GART: variants seen among roughly 807,000 people sequenced by gnomAD.
GART encodes phosphoribosylglycinamide formyltransferase, phosphoribosylglycinamide synthetase, phosphoribosylaminoimidazole synthetase, also known as trifunctional purine biosynthetic protein adenosine-3.
In GART, 43 loss-of-function variants were observed where a neutral mutation model predicts 107.2. That is an observed-to-expected ratio of 0.40 (90% CI 0.31 to 0.52). The LOEUF (loss-of-function observed/expected upper bound fraction) is 0.52, where lower values mean the gene tolerates loss of function less well. Among genes scored for constraint, GART ranks in the 20% least tolerant of loss-of-function variants. GART has a pLI of 0.52. For missense variants in GART, 1,107 were observed against 1,206.5 expected (o/e 0.92, Z 1.22); for synonymous variants, 434 against 427.0 (o/e 1.02, Z -0.20).
chr21:33,506,185 C>CAGGCT, intron 18 of GART, 81 bp from the exon 19 acceptor site: 1 of 1,508,340 alleles, frequency 6.6e-7, no homozygotes, highest in Non-Finnish European at 8.9e-7. Context: ...CTCTGTCGCC[C>CAGGCT]AGGCTAGGAG....
intron 17 of GART, among the ~76,000 whole-genome samples, chr21:33,510,629 T>C (rs1167793858): frequency 1.3e-5 from 2 of 152,126 alleles, no homozygotes; most frequent in Non-Finnish European, 2.9e-5. Flanking sequence ...CACGCCCGGC[T>C]GGGTCTCTCT....
intron 16 of GART, among the ~76,000 whole-genome samples, chr21:33,513,304 G>C (rs111698892): frequency 2.6e-5 from 4 of 152,236 alleles, no homozygotes; most frequent in African/African-American, 9.6e-5. Flanking sequence ...GGGTGCAGTG[G>C]CTCAGGCCTG....
intron 20 of GART, 101 bp downstream of exon 20, chr21:33,505,460 C>T: frequency 1.1e-6 from 1 of 942,308 alleles, no homozygotes; most frequent in Non-Finnish European, 1.6e-6. Context: ...AGTTGGATTT[C>T]TGGGATGGGT....
At chr21:33,533,438 C>CAAA (rs5843612) in intron 4 of GART, among the ~76,000 whole-genome samples, 1 of 128,648 alleles carries the variant, frequency 7.8e-6, no homozygotes, top group Non-Finnish European at 1.7e-5. Context: ...GAACGAGACT[C>CAAA]AAAAAAAAAA....
chr21:33,534,143 A>C (rs2085255196), intron 4 of GART, among the ~76,000 whole-genome samples: 1 of 152,144 alleles, frequency 6.6e-6, no homozygotes. Context: ...TTTTTTCCTT[A>C]ATTATCTTAC....
chr21:33,536,165 T>G (rs1384244033), intron 2 of GART, among the ~76,000 whole-genome samples: 1 of 152,208 alleles, frequency 6.6e-6, no homozygotes, highest in Admixed American at 6.5e-5. Context: ...AAATTTGATA[T>G]GAAGTGAATT....
At chr21:33,510,461 C>G (rs994920429) in intron 17 of GART, 3 of 153,146 alleles carry the variant, frequency 2.0e-5, no homozygotes, top group Non-Finnish European at 4.4e-5. Flanking sequence ...TCCCGAGTAG[C>G]TGGGACTACA....
In GART at chr21:33,509,824, T is replaced by C. The variant is rs114500396; in HGVS notation, c.2411A>G (p.Glu804Gly). ...NGSLTNHFSF[E>G]KKKARVAVLI... is the part of the protein sequence containing the mutation. ...GACAGCCACTCTGGCCTTTTTTTTT[T>C]CAAAAGAGAAATGATTTGTCAGGGA... The change falls in exon 18 of 22, where the codon GAA becomes GGA. Residue 804 changes from glutamate to glycine, a missense_variant. Glu to Gly is a moderately conservative substitution (Grantham distance 98, BLOSUM62 -2). Transcript: ENST00000381815. 2.5e-6 allele frequency: 4 copies of C among 1,613,762 alleles called. No individual in the cohort carries two copies. Among genetic ancestry groups the C allele is most frequent in the Non-Finnish European group, 3.4e-6 (4 of 1,179,924 alleles).
rs2084748940 is a variant in GART, at chr21:33,509,701, T to C, written c.2452+82A>G. On this transcript the variant is annotated intron_variant, in intron 18 of 21. Coordinates refer to ENST00000381815, the MANE Select transcript of GART (RefSeq NM_000819.5). Reference sequence around the variant, plus strand: ...CCCAGTCCCTAGACTCTGCCGAGAGTAACCTTACAATCTCACAAGAGTGCG... The same window carrying C: ...CCCAGTCCCTAGACTCTGCCGAGAGCAACCTTACAATCTCACAAGAGTGCG... The C allele has an allele frequency of 3.5e-6, 5 of 1,435,688 alleles. No homozygotes were observed. The East Asian group carries it at 1.2e-4, about 33-fold the overall frequency. The allele number at this position is 1,435,688 out of a possible 1,614,324, so 88.9% of individuals were successfully genotyped here. A position where few individuals can be genotyped will look rare whatever the true frequency, so the allele number is the denominator to read the frequency against.
At chr21:33,538,514 T>G (rs1314154590) in intron 2 of GART, among the ~76,000 whole-genome samples, 2 of 152,164 alleles carry the variant, frequency 1.3e-5, no homozygotes, top group South Asian at 4.1e-4. Context: ...ATTGTAAGCG[T>G]GAGCCACTGC....
At chr21:33,523,725 G>A (rs575319266) in intron 11 of GART, among the ~76,000 whole-genome samples, 1 of 152,086 alleles carries the variant, frequency 6.6e-6, no homozygotes, top group South Asian at 2.1e-4. Flanking sequence ...CCAGTACTTG[G>A]TGAGGCTGAG....
At chr21:33,542,014 C>T (rs1399605409) in intron 1 of GART, 51 bp downstream of exon 1, 1 of 152,238 alleles carries the variant, frequency 6.6e-6, no homozygotes, top group African/African-American at 2.4e-5. Context: ...CTTAAATCCC[C>T]AAACCAAAGC....
rs766868820 is a variant in GART at position 33,528,170 on chromosome 21, T to C, written c.1063A>G (p.Thr355Ala). 3.1e-6 allele frequency: 5 copies of C among 1,613,292 alleles called. No homozygotes were observed. Among genetic ancestry groups the C allele is most frequent in the Non-Finnish European group, 4.2e-6 (5 of 1,179,656 alleles). Residue 355 changes from threonine (T) to alanine (A), a missense_variant, in exon 10 of 22, where the codon ACA becomes GCA. Transcript: ENST00000381815. The part of the protein sequence containing the change: ...PGDYTKGVEI[T>A]GFPEAQALGL... The stretch of plus-strand genomic sequence containing the variant: ...CCTCTTGCTCCCTGACACTCACCTG[T>C]TATCTCTACACCCTTGGTGTAGTCT...
chr21:33,530,565 A>T, intron 7 of GART, 194 bp downstream of exon 7: 1 of 429,986 alleles, frequency 2.3e-6, no homozygotes, highest in Non-Finnish European at 3.7e-6. Context: ...GGCTTATTTT[A>T]GTTCTTCAAA....
At chr21:33,512,920 A>G (rs919567174) in intron 16 of GART, among the ~76,000 whole-genome samples, 3 of 140,360 alleles carry the variant, frequency 2.1e-5, no homozygotes, top group Admixed American at 1.4e-4. Flanking sequence ...AGTTGATACA[A>G]TTTTTTTTTT....
In GART at chr21:33,524,761, A is replaced by T. The variant is rs1326986847; in HGVS notation, c.1298+8T>A. 1 of 1,614,170 alleles carries T rather than the reference A, an allele frequency of 6.2e-7. No homozygotes were observed. Among genetic ancestry groups the T allele is most frequent in the South Asian group, 1.1e-5 (1 of 91,082 alleles). ...ATGGCACTACAGCTAACTTGCTTAG[A>T]GTTTTACCTGGGCTGCTGGAGGAAA... On this transcript the variant is annotated splice_region_variant and intron_variant, in intron 11 of 21. Coordinates refer to ENST00000381815, the MANE Select transcript of GART (RefSeq NM_000819.5).
chr21:33,538,071 G>A (rs1003499656), intron 2 of GART, among the ~76,000 whole-genome samples: 8 of 151,482 alleles, frequency 5.3e-5, no homozygotes, highest in African/African-American at 9.7e-5. Context: ...AGTGAAACCC[G>A]GTCTCTACTA....
intron 6 of GART, 161 bp downstream of exon 6, chr21:33,531,328 C>T: frequency 1.5e-6 from 1 of 674,224 alleles, no homozygotes; most frequent in Non-Finnish European, 2.6e-6. Context: ...ATTATTTTTT[C>T]ATTTGCACCC....
intron 2 of GART, among the ~76,000 whole-genome samples, chr21:33,537,152 CT>C (rs2085322097): frequency 6.6e-6 from 1 of 152,164 alleles, no homozygotes; most frequent in Non-Finnish European, 1.5e-5. Context: ...TCTTACAAGA[CT>C]ACTTGTAGTA....
Sources: gnomAD v4.1 joint callset for allele counts (sites outside exome capture counted in the v4.1 genomes callset) on GRCh38, gnomAD v4.1.1 for gene constraint, MANE v1.5 for transcripts, NCBI Gene and HGNC (gene_info 2026-07-23, HGNC 2026-07-21) for gene names.